AKAP13: variants seen among roughly 807,000 people sequenced by gnomAD.
AKAP13 encodes A-kinase anchoring protein 13.
Under a neutral mutation model 264.5 loss-of-function variants are expected in AKAP13, and 80 were observed. The observed-to-expected ratio is 0.30, with a 90% CI of 0.25 to 0.36. The LOEUF (loss-of-function observed/expected upper bound fraction) is 0.36, where lower values mean the gene tolerates loss of function less well. Among genes scored for constraint, AKAP13 ranks in the 10% least tolerant of loss-of-function variants. AKAP13 has a pLI of 1.00. For missense variants in AKAP13, 3,712 were observed against 3,435.2 expected (o/e 1.08, Z -2.01); for synonymous variants, 1,380 against 1,250.2 (o/e 1.10, Z -2.19).
chr15:85,563,660 T>G (rs2078497655), intron 5 of AKAP13, among the ~76,000 whole-genome samples: 1 of 152,136 alleles, frequency 6.6e-6, no homozygotes, highest in Non-Finnish European at 1.5e-5. Context: ...CAGCATTATA[T>G]AAGGGGGAGA....
chr15:85,401,657 A>G (rs1403124041), intron 1 of AKAP13, among the ~76,000 whole-genome samples: 1 of 152,220 alleles, frequency 6.6e-6, no homozygotes, highest in Admixed American at 6.5e-5. Flanking sequence ...AGTAATAACA[A>G]TTAGCAGGTC....
At chr15:85,544,729 T>C (rs991538203) in intron 5 of AKAP13, among the ~76,000 whole-genome samples, 1 of 152,250 alleles carries the variant, frequency 6.6e-6, no homozygotes, top group Non-Finnish European at 1.5e-5. Flanking sequence ...TGTTGTTTAA[T>C]ACATTTTTAT....
intron 2 of AKAP13, among the ~76,000 whole-genome samples, chr15:85,517,321 C>A (rs2076640745): frequency 1.3e-5 from 2 of 151,752 alleles, no homozygotes; most frequent in South Asian, 4.2e-4. Flanking sequence ...TCTTCCCATC[C>A]CCCAAATACG....
At chr15:85,546,519 G>A (rs561983679) in intron 5 of AKAP13, among the ~76,000 whole-genome samples, 60 of 152,280 alleles carry the variant, frequency 3.9e-4, no homozygotes, top group African/African-American at 1.1e-3. Flanking sequence ...TAACAAGGTG[G>A]TATGACCAGA....
chr15:85,671,776 CTAAG>C (rs1428082734), intron 14 of AKAP13, among the ~76,000 whole-genome samples: 3 of 152,086 alleles, frequency 2.0e-5, no homozygotes, highest in African/African-American at 7.2e-5. Context: ...GGAAGGCACT[CTAAG>C]TGAGACATTT....
chr15:85,693,354 C>T lies in AKAP13; in HGVS notation c.5367C>T (p.Val1789=), dbSNP rs542289680. The T allele has an allele frequency of 1.9e-6, 3 of 1,613,956 alleles. No homozygotes were observed. Among genetic ancestry groups the T allele is most frequent in the Admixed American group, 3.3e-5 (2 of 59,964 alleles). ...SKDKEKDKKT[V]NGHTFSSIPV... ...ACAAGGAGAAAGATAAGAAGACTGT[C>T]AACGGGCACACTTTCAGTTCCATTC... Residue 1789 remains valine (V), a synonymous_variant, in exon 17 of 37, where the codon GTC becomes GTT. Transcript: ENST00000394518.
In AKAP13 at chr15:85,727,922, G is replaced by A. The variant is rs2087712959; in HGVS notation, c.7087+459G>A. Among the ~76,000 whole-genome samples the A allele has an allele frequency of 1.3e-5, 2 of 152,226 alleles. No homozygotes were observed. Among genetic ancestry groups the A allele is most frequent in the African/African-American group, 4.8e-5 (2 of 41,456 alleles). On this transcript the variant is annotated intron_variant, in intron 29 of 36. Coordinates refer to ENST00000394518, the MANE Select transcript of AKAP13 (RefSeq NM_007200.5). This position sits in a 1 kb window ranked among gnomAD's most constrained non-coding sequence, Gnocchi z 5.3. ...TGAGTTGTGAGGTGAAGTTTTGGGAGCAGGGTATGTATCAATCTATGTTTG... is the reference window on the plus strand; with the variant it reads ...TGAGTTGTGAGGTGAAGTTTTGGGAACAGGGTATGTATCAATCTATGTTTG...
At chr15:85,499,679 A>G (rs1333713328) in intron 2 of AKAP13, among the ~76,000 whole-genome samples, 1 of 151,456 alleles carries the variant, frequency 6.6e-6, no homozygotes, top group African/African-American at 2.4e-5. Context: ...TAACACATGC[A>G]TAAAGAAAAA....
At chr15:85,397,828 C>T (rs1026692967) in intron 1 of AKAP13, among the ~76,000 whole-genome samples, 31 of 152,174 alleles carry the variant, frequency 2.0e-4, no homozygotes, top group African/African-American at 6.5e-4. Flanking sequence ...TTAAAGCACT[C>T]ATGATTTTGT....
chr15:85,558,908 A>G (rs1358828779), intron 5 of AKAP13, among the ~76,000 whole-genome samples: 1 of 151,826 alleles, frequency 6.6e-6, no homozygotes, highest in African/African-American at 2.4e-5. Flanking sequence ...CATTTTAAAG[A>G]TGAGTGTGTA....
intron 5 of AKAP13, among the ~76,000 whole-genome samples, chr15:85,569,451 C>CTT (rs71468120): frequency 0.21 from 25,292 of 121,276 alleles, 3,388 homozygotes; most frequent in Middle Eastern, 0.4. Context: ...TTTTTCTTTT[C>CTT]TTTTTTTTTT....
At chr15:85,565,288 G>A (rs1596545257) in intron 5 of AKAP13, among the ~76,000 whole-genome samples, 1 of 151,816 alleles carries the variant, frequency 6.6e-6, no homozygotes, top group Non-Finnish European at 1.5e-5. Context: ...GGACCTTCCT[G>A]CAGTATTTAT....
chr15:85,695,725 C>T (rs555553191), intron 17 of AKAP13, among the ~76,000 whole-genome samples: 2 of 152,354 alleles, frequency 1.3e-5, no homozygotes, highest in African/African-American at 4.8e-5. Context: ...GCAGAGATCA[C>T]ACACATTAAT....
chr15:85,648,137 C>T (rs920354753), intron 10 of AKAP13, among the ~76,000 whole-genome samples: 7 of 152,114 alleles, frequency 4.6e-5, no homozygotes, highest in South Asian at 2.1e-4. Context: ...AGATATGTGT[C>T]GCTAAAAACA....
chr15:85,411,733 G>A (rs148506439), intron 1 of AKAP13, among the ~76,000 whole-genome samples: 55 of 152,294 alleles, frequency 3.6e-4, no homozygotes, highest in South Asian at 1.4e-3. Flanking sequence ...CACCGCGCCC[G>A]GCCAACTAAC....
chr15:85,674,826 G>GTA (rs2084131036), intron 14 of AKAP13, among the ~76,000 whole-genome samples: 2 of 148,636 alleles, frequency 1.3e-5, no homozygotes, highest in African/African-American at 4.9e-5. Context: ...AAATATGTAT[G>GTA]TGTGTGTGTG....
chr15:85,595,312 CT>C (rs2079769958), intron 8 of AKAP13, among the ~76,000 whole-genome samples: 1 of 152,084 alleles, frequency 6.6e-6, no homozygotes, highest in Admixed American at 6.5e-5. Context: ...GTTGCCCAGG[CT>C]GGTCTCAAAC....
At chr15:85,688,672 T>C (rs947557219) in intron 16 of AKAP13, among the ~76,000 whole-genome samples, 3 of 152,196 alleles carry the variant, frequency 2.0e-5, no homozygotes, top group African/African-American at 7.2e-5. Flanking sequence ...ACTGTTCACA[T>C]TCCTAGGAGG....
intron 1 of AKAP13, among the ~76,000 whole-genome samples, chr15:85,467,013 A>T (rs2074765704): frequency 6.6e-6 from 1 of 151,890 alleles, no homozygotes; most frequent in Non-Finnish European, 1.5e-5. Flanking sequence ...TTAAGTAAAT[A>T]GTAATTTGGA....
Sources: gnomAD v4.1 joint callset for allele counts (sites outside exome capture counted in the v4.1 genomes callset) on GRCh38, gnomAD v4.1.1 for gene constraint, Gnocchi (gnomAD v3.1) non-coding constraint, MANE v1.5 for transcripts, NCBI Gene and HGNC (gene_info 2026-07-23, HGNC 2026-07-21) for gene names.